DCLK1: variants seen among roughly 807,000 people sequenced by gnomAD.
DCLK1 encodes serine/threonine-protein kinase DCLK1.
Under a neutral mutation model 86.2 loss-of-function variants are expected in DCLK1, and 16 were observed. The observed-to-expected ratio is 0.19, with a 90% CI of 0.13 to 0.28. DCLK1 has a LOEUF of 0.28. DCLK1 is among the 10% of genes least tolerant of loss of function. DCLK1 has a pLI of 1.00. For synonymous variants in DCLK1, 369 were observed against 370.5 expected (o/e 1.00, Z 0.05); for missense variants, 590 against 940.2 (o/e 0.63, Z 4.87).
chr13:36,056,785 A>C (rs1273361757), intron 3 of DCLK1, among the ~76,000 whole-genome samples: 1 of 150,606 alleles, frequency 6.6e-6, no homozygotes, highest in Admixed American at 6.6e-5. Flanking sequence ...AGTCCCAGCT[A>C]CTTGGGAGGC....
Position 35,839,151 on chromosome 13 carries a change from G to C in DCLK1, c.1061C>G (p.Thr354Arg). 1 of 1,589,658 alleles carries C rather than the reference G, an allele frequency of 6.3e-7. No homozygotes were observed. The highest frequency in any genetic ancestry group is 8.6e-7 in the Non-Finnish European group (1 of 1,168,120). Residue 354 changes from threonine (T) to arginine (R), a missense_variant, in exon 7 of 17, where the codon ACG becomes AGG. Physicochemically the swap from Thr to Arg is moderately conservative, Grantham distance 71. Coordinates refer to ENST00000360631, the MANE Select transcript of DCLK1 (RefSeq NM_001330071.2). ...QRSSQHGGSS[T>R]SLASTKVCSS... ...GCAGACTTTGGTGGACGCAAGTGAC[G>C]TAGAGGAGCCGCCATGCTGAGAGCT...
intron 4 of DCLK1, among the ~76,000 whole-genome samples, chr13:35,909,702 G>A (rs1023897144): frequency 2.0e-5 from 3 of 151,632 alleles, no homozygotes. Flanking sequence ...AAGTCATGTG[G>A]CAGGGTTTTT....
chr13:35,905,775 G>C (rs1032243119), intron 4 of DCLK1, among the ~76,000 whole-genome samples: 17 of 151,856 alleles, frequency 1.1e-4, no homozygotes, highest in African/African-American at 4.1e-4. Context: ...GTGAAACCCT[G>C]CCTCTACTAA....
At chr13:35,809,259 A>G (rs2087093856) in intron 12 of DCLK1, among the ~76,000 whole-genome samples, 164 bp from the exon 13 acceptor site, 1 of 152,232 alleles carries the variant, frequency 6.6e-6, no homozygotes, top group Non-Finnish European at 1.5e-5. Flanking sequence ...AACAGAGTTC[A>G]AAGAAAAAGT....
chr13:35,863,153 G>A (rs1231957486), intron 5 of DCLK1, among the ~76,000 whole-genome samples: 1 of 152,128 alleles, frequency 6.6e-6, no homozygotes, highest in Admixed American at 6.5e-5. Context: ...TACCATCTAG[G>A]TTTGTGTATG....
rs538929912 is a variant in DCLK1, at chr13:36,069,793, G to C, written c.723+42076C>G. On this transcript the variant is annotated intron_variant, in intron 3 of 16. Transcript: ENST00000360631. ...TCTGAGCAGTGATAGTACTCAACTTGTTAGGTGTACACCATAGTGAACCAC... is the reference window on the plus strand; with the variant it reads ...TCTGAGCAGTGATAGTACTCAACTTCTTAGGTGTACACCATAGTGAACCAC... Among the ~76,000 whole-genome samples, 346 of 152,294 alleles carry C rather than the reference G, an allele frequency of 2.3e-3. 1 individual carries two copies. Among genetic ancestry groups the C allele is most frequent in the South Asian group, 0.011 (53 of 4,822 alleles).
chr13:35,865,369 C>A (rs2153113299), intron 5 of DCLK1, among the ~76,000 whole-genome samples: 1 of 152,284 alleles, frequency 6.6e-6, no homozygotes, highest in South Asian at 2.1e-4. Context: ...GATGCTCTTA[C>A]AGATTCTCAT....
intron 8 of DCLK1, among the ~76,000 whole-genome samples, chr13:35,835,767 A>C (rs1020378098): frequency 3.3e-5 from 5 of 152,364 alleles, no homozygotes; most frequent in African/African-American, 7.2e-5. Context: ...AACAATAAAA[A>C]GGCTTACCTG....
intron 3 of DCLK1, among the ~76,000 whole-genome samples, chr13:35,999,618 C>A (rs1189264140): frequency 6.6e-6 from 1 of 152,170 alleles, no homozygotes; most frequent in African/African-American, 2.4e-5. Context: ...CTCCTGAGGC[C>A]TCCGACTTCC....
intron 2 of DCLK1, among the ~76,000 whole-genome samples, chr13:36,124,429 C>T (rs1886099412): frequency 6.6e-6 from 1 of 152,224 alleles, no homozygotes; most frequent in South Asian, 2.1e-4. Context: ...ACAAAATAAA[C>T]ACAGGCTCCT....
chr13:36,067,521 C>A (rs1883803998), intron 3 of DCLK1, among the ~76,000 whole-genome samples: 1 of 150,300 alleles, frequency 6.7e-6, no homozygotes, highest in Admixed American at 6.6e-5. Context: ...AACTAACCTG[C>A]ACATTGTGCA....
intron 3 of DCLK1, among the ~76,000 whole-genome samples, chr13:36,108,618 C>G (rs1885492566): frequency 6.6e-6 from 1 of 152,228 alleles, no homozygotes; most frequent in South Asian, 2.1e-4. Context: ...GCCATGGATA[C>G]ATCTGTAGGC....
intron 16 of DCLK1, among the ~76,000 whole-genome samples, chr13:35,776,612 T>C (rs893881850): frequency 2.6e-5 from 4 of 152,204 alleles, no homozygotes; most frequent in Non-Finnish European, 5.9e-5. Context: ...AGAGTTGCTG[T>C]AGGTAGAAAT....
intron 3 of DCLK1, among the ~76,000 whole-genome samples, chr13:36,092,611 C>T (rs932383410): frequency 3.3e-5 from 5 of 149,744 alleles, no homozygotes; most frequent in Non-Finnish European, 7.4e-5. Context: ...CTCAGCCTCC[C>T]AAGTAGCTGG....
intron 3 of DCLK1, among the ~76,000 whole-genome samples, chr13:36,088,740 GA>G (rs1428631748): frequency 6.6e-6 from 1 of 152,156 alleles, no homozygotes; most frequent in Non-Finnish European, 1.5e-5. Context: ...ATTAGTGGTA[GA>G]AAAAGATCTA....
At chr13:35,963,693 T>C (rs1593773799) in intron 3 of DCLK1, among the ~76,000 whole-genome samples, 1 of 152,212 alleles carries the variant, frequency 6.6e-6, no homozygotes, top group South Asian at 2.1e-4. Flanking sequence ...GATTGGATTA[T>C]GGGGGTGGTT....
intron 5 of DCLK1, among the ~76,000 whole-genome samples, chr13:35,867,878 GGA>G (rs933977945): frequency 1.6e-5 from 1 of 63,274 alleles, no homozygotes. Context: ...AAAGAGAGAG[GGA>G]GAGAGAGAGA....
Position 35,822,764 on chromosome 13 carries a change from T to C in DCLK1, c.1519A>G (p.Ile507Val). The C allele has an allele frequency of 1.9e-6, 3 of 1,613,994 alleles. No homozygotes were observed. The highest frequency in any genetic ancestry group is 2.5e-6 in the Non-Finnish European group (3 of 1,179,988). The change falls in exon 11 of 17, where the codon ATC (isoleucine) becomes GTC (valine). Residue 507 changes from isoleucine (I) to valine (V), a missense_variant. Transcript: ENST00000360631. ...TCTGGCTTGATATCACGGTGGACGA[T>C]GTTCAGGCTATGCAGGTATTTGATG... ...SAIKYLHSLN[I>V]VHRDIKPENL...
intron 3 of DCLK1, among the ~76,000 whole-genome samples, chr13:36,087,050 T>C (rs896935859): frequency 7.2e-5 from 11 of 152,312 alleles, no homozygotes; most frequent in African/African-American, 2.4e-4. Context: ...CGCCACACTG[T>C]CTTCCACAAT....
Sources: allele counts gnomAD v4.1 joint callset (sites outside exome capture counted in the v4.1 genomes callset), GRCh38; gene constraint gnomAD v4.1.1; transcripts MANE v1.5; gene names NCBI Gene and HGNC (gene_info 2026-07-23, HGNC 2026-07-21).